The following FBXW8 variants were observed in gnomAD, a reference collection of about 807,000 sequenced individuals.
The protein encoded by FBXW8 is F-box/WD repeat-containing protein 8.
In FBXW8, 57 loss-of-function variants were observed where a neutral mutation model predicts 65.3. That is an observed-to-expected ratio of 0.87 (90% CI 0.71 to 1.09). The LOEUF (loss-of-function observed/expected upper bound fraction) is 1.09. Ranked by LOEUF, FBXW8 falls within the 50% of genes least tolerant of loss-of-function variation. The probability of loss-of-function intolerance (pLI) is 0.00; values close to 1 mark genes in which losing one functional copy is unlikely to be tolerated. For synonymous variants in FBXW8, 308 were observed against 330.2 expected, an observed-to-expected ratio of 0.93 and a Z score of 0.73; for missense variants, 777 against 814.8, an observed-to-expected ratio of 0.95 and a Z score of 0.57.
intron 8 of FBXW8, among the ~76,000 whole-genome samples, chr12:117,020,897 C>A (rs916808954): frequency 2.6e-5 from 4 of 152,238 alleles, no homozygotes; most frequent in Non-Finnish European, 4.4e-5. Flanking sequence ...GAACTGTCAA[C>A]ATGTTGTCTG....
chr12:116,910,972 T>G lies in FBXW8; in HGVS notation c.-66T>G, dbSNP rs994175027. ...CTTCCGGCCGCGGCGGACACTTCCC[T>G]GGGCGGGACTGTCTCGTGGCACCCG... On this transcript the variant is annotated 5_prime_UTR_variant, in exon 1 of 11. Coordinates refer to ENST00000652555, the MANE Select transcript of FBXW8 (RefSeq NM_153348.3). 1.5e-5 allele frequency: 19 copies of G among 1,285,622 alleles called. No individual in the cohort carries two copies. The African/African-American group carries it at 2.5e-4, about 17-fold the overall frequency. 79.6% of individuals were successfully genotyped at this position (1,285,622 alleles called of 1,614,324 possible).
Position 116,910,957 on chromosome 12 carries a change from C to A in FBXW8, c.-81C>A. On this transcript the variant is annotated 5_prime_UTR_variant, in exon 1 of 11. Coordinates refer to ENST00000652555, the MANE Select transcript of FBXW8 (RefSeq NM_153348.3). ...CGGCGGCGGCAGCGGCTTCCGGCCG[C>A]GGCGGACACTTCCCTGGGCGGGACT... 1 of 1,262,304 alleles carries A rather than the reference C, an allele frequency of 7.9e-7. No individual in the cohort carries two copies. Among genetic ancestry groups the A allele is most frequent in the South Asian group, 2.5e-5 (1 of 40,462 alleles). 78.2% of individuals were successfully genotyped at this position (1,262,304 alleles called of 1,614,324 possible).
At chr12:116,913,471 G>A (rs1005667167) in intron 1 of FBXW8, among the ~76,000 whole-genome samples, 22 of 152,218 alleles carry the variant, frequency 1.4e-4, no homozygotes, top group African/African-American at 4.6e-4. Context: ...TGTATCTTCT[G>A]TGTGTTATAT....
At chr12:117,006,263 C>T (rs1048413621) in intron 7 of FBXW8, among the ~76,000 whole-genome samples, 56 of 152,182 alleles carry the variant, frequency 3.7e-4, no homozygotes, top group African/African-American at 1.3e-3. Context: ...GGGTAAGGCT[C>T]TATCATCTCT....
chr12:116,940,024 T>C (rs777724946), intron 2 of FBXW8, among the ~76,000 whole-genome samples: 1 of 152,242 alleles, frequency 6.6e-6, no homozygotes, highest in Non-Finnish European at 1.5e-5. Flanking sequence ...GCTGAGTCGT[T>C]ATCCCGTTCT....
At chr12:116,967,634 C>A (rs1884405420) in intron 5 of FBXW8, among the ~76,000 whole-genome samples, 1 of 152,294 alleles carries the variant, frequency 6.6e-6, no homozygotes, top group Admixed American at 6.5e-5. Context: ...GTTTCTATTT[C>A]TTTCTCTGCA....
chr12:116,932,718 G>C (rs1881865777), intron 2 of FBXW8, among the ~76,000 whole-genome samples: 1 of 152,148 alleles, frequency 6.6e-6, no homozygotes, highest in African/African-American at 2.4e-5. Context: ...ATTTTTAGTA[G>C]AGACGGGGTT....
chr12:116,976,400 A>C (rs1225914252), intron 5 of FBXW8, among the ~76,000 whole-genome samples: 1 of 150,562 alleles, frequency 6.6e-6, no homozygotes, highest in Non-Finnish European at 1.5e-5. Context: ...AAAAAAAAAA[A>C]ATGCATGATG....
At chr12:116,914,398 C>T (rs979294355) in intron 1 of FBXW8, among the ~76,000 whole-genome samples, 4 of 149,396 alleles carry the variant, frequency 2.7e-5, no homozygotes, top group African/African-American at 9.9e-5. Flanking sequence ...ACCTGGGCAA[C>T]GTAGAGAAAC....
Position 117,030,235 on chromosome 12 carries a change from G to T in FBXW8, c.*2063G>T, listed in dbSNP as rs906023475. The T allele has an allele frequency of 1.3e-5, 2 of 152,166 alleles. No homozygotes were observed. The highest frequency in any genetic ancestry group is 2.9e-5 in the Non-Finnish European group (2 of 68,020). 9.4% of individuals were successfully genotyped at this position (152,166 alleles called of 1,614,324 possible). A position where few individuals can be genotyped will look rare whatever the true frequency, so the allele number is the denominator to read the frequency against. ...AGGGGAACGGAGCAGATAGAGCTGCGACTGGGAAGCGTCACCTTCCCGTCC... is the reference window on the plus strand; with the variant it reads ...AGGGGAACGGAGCAGATAGAGCTGCTACTGGGAAGCGTCACCTTCCCGTCC... On this transcript the variant is annotated 3_prime_UTR_variant, in exon 11 of 11. Coordinates refer to ENST00000652555, the MANE Select transcript of FBXW8 (RefSeq NM_153348.3).
At chr12:116,911,439 A>G in intron 1 of FBXW8, 84 bp downstream of exon 1, 1 of 956,470 alleles carries the variant, frequency 1.0e-6, no homozygotes, top group Non-Finnish European at 1.4e-6. Flanking sequence ...TTGGAGAGTA[A>G]CTGTGTGCCA....
chr12:116,962,604 CTTTT>C (rs1884054852), intron 4 of FBXW8, among the ~76,000 whole-genome samples: 1 of 152,206 alleles, frequency 6.6e-6, no homozygotes, highest in Non-Finnish European at 1.5e-5. Flanking sequence ...TTATGTACTT[CTTTT>C]TCTGAACGTG....
chr12:116,970,277 G>C (rs1181537844), intron 5 of FBXW8, among the ~76,000 whole-genome samples: 1 of 152,214 alleles, frequency 6.6e-6, no homozygotes, highest in African/African-American at 2.4e-5. Flanking sequence ...AGAGAGAGGA[G>C]AGACGCGATC....
At chr12:116,995,132 A>G (rs1222825750) in intron 7 of FBXW8, among the ~76,000 whole-genome samples, 1 of 152,230 alleles carries the variant, frequency 6.6e-6, no homozygotes, top group African/African-American at 2.4e-5. Flanking sequence ...ACTAGAACAC[A>G]TGACTTCATC....
intron 8 of FBXW8, among the ~76,000 whole-genome samples, chr12:117,022,591 G>A (rs1954125693): frequency 6.6e-6 from 1 of 152,178 alleles, no homozygotes; most frequent in East Asian, 1.9e-4. Context: ...GGAAGCTGAG[G>A]CTGCAGTGAG....
rs1289079455 is a variant in FBXW8, at chr12:116,949,720, T to C, written c.677+14T>C. On this transcript the variant is annotated intron_variant, in intron 4 of 10. Transcript: ENST00000652555. The stretch of plus-strand genomic sequence containing the variant: ...GGTCATTGCGGGGTAAGCCAAACCG[T>C]TTCCACTGAGTGCTCTGCATCTGAA... 8 of 1,612,706 alleles carry C rather than the reference T, an allele frequency of 5.0e-6. No homozygotes were observed. The highest frequency in any genetic ancestry group is 6.8e-6 in the Non-Finnish European group (8 of 1,178,808).
chr12:117,001,547 A>G (rs1015683137), intron 7 of FBXW8, among the ~76,000 whole-genome samples: 2 of 152,190 alleles, frequency 1.3e-5, no homozygotes, highest in African/African-American at 4.8e-5. Context: ...TCAAAATAGT[A>G]TGCAAGTTGC....
rs547022831 is a variant in FBXW8 at position 116,960,624 on chromosome 12, G to GT, written c.678-4070dup. On this transcript the variant is annotated intron_variant, in intron 4 of 10. Coordinates refer to ENST00000652555, the MANE Select transcript of FBXW8 (RefSeq NM_153348.3). ...GCACATCAGTGTGTACATTCTGGGT[G>GT]TTTCACTCATCATTACCATTGGAAA... is the stretch of plus-strand genomic sequence containing the variant. 1.4e-4 allele frequency among the ~76,000 whole-genome samples: 21 copies of GT among 152,286 alleles called. No individual in the cohort carries two copies. In the East Asian group the frequency reaches 2.5e-3, roughly 18 times the overall value.
rs777307751 is a variant in FBXW8 at position 117,010,426 on chromosome 12, T to TG, written c.1345dup (p.Val449GlyfsTer18). The TG allele has an allele frequency of 2.1e-5, 34 of 1,614,196 alleles. No homozygotes were observed. The African/African-American group carries it at 3.9e-4, about 18-fold the overall frequency. ...CTCAGCGACAGCCCTCCCAACCTCA[T>TG]GGTCAGTGGCAACATGGACGGGAGG... is the stretch of plus-strand genomic sequence containing the variant. On this transcript the variant is annotated frameshift_variant, in exon 8 of 11. Transcript: ENST00000652555. LOFTEE classifies it high-confidence loss of function.
Sources: allele counts gnomAD v4.1 joint callset (sites outside exome capture counted in the v4.1 genomes callset), GRCh38; gene constraint gnomAD v4.1.1; transcripts MANE v1.5; gene names NCBI Gene and HGNC (gene_info 2026-07-23, HGNC 2026-07-21).